BBS5: variants seen among roughly 807,000 people sequenced by gnomAD.
BBS5 encodes the protein BBSome complex member BBS5.
A neutral mutation model predicts 50.2 loss-of-function variants in BBS5; 39 were observed. The ratio of observed to expected loss-of-function variants is 0.78; its 90% CI spans 0.60 to 1.01. The LOEUF (loss-of-function observed/expected upper bound fraction) is 1.01, where lower values mean the gene tolerates loss of function less well. BBS5 is among the 50% of genes least tolerant of loss of function. The pLI is 0.00. For missense variants in BBS5, 356 were observed against 401.5 expected (o/e 0.89, Z 0.97); for synonymous variants, 134 against 133.1 (o/e 1.01, Z -0.05).
Position 169,487,142 on chromosome 2 carries a change from T to C in BBS5, c.208+8T>C. The C allele has an allele frequency of 1.3e-6, 2 of 1,598,250 alleles. No individual in the cohort carries two copies. Among genetic ancestry groups the C allele is most frequent in the Non-Finnish European group, 1.7e-6 (2 of 1,166,092 alleles). Reference sequence around the variant, plus strand: ...TATCAAGAGTCAATGTTTGTAAGTATCTTTGTTAGATAAGTCTGAAGAAAA... The same window carrying C: ...TATCAAGAGTCAATGTTTGTAAGTACCTTTGTTAGATAAGTCTGAAGAAAA... On this transcript the variant is annotated splice_region_variant and intron_variant, in intron 3 of 11. Coordinates refer to ENST00000295240, the MANE Select transcript of BBS5 (RefSeq NM_152384.3).
chr2:169,481,232 T>G lies in BBS5; in HGVS notation c.60-1019T>G, dbSNP rs1559120558. ...CTGAGACTCATAGAAACAGAACAAT[T>G]TATTCTACCTGGTGAAGTCCTTGAA... On this transcript the variant is annotated intron_variant, in intron 1 of 11. Coordinates refer to ENST00000295240, the MANE Select transcript of BBS5 (RefSeq NM_152384.3). 3.9e-5 allele frequency among the ~76,000 whole-genome samples: 6 copies of G among 152,180 alleles called. No individual in the cohort carries two copies. The South Asian group carries it at 1.2e-3, about 31-fold the overall frequency.
At chr2:169,488,517 G>A (rs1167867666) in intron 5 of BBS5, among the ~76,000 whole-genome samples, 1 of 152,216 alleles carries the variant, frequency 6.6e-6, no homozygotes, top group African/African-American at 2.4e-5. Flanking sequence ...CTGACAGGAG[G>A]CAGAGCTCAG....
intron 5 of BBS5, among the ~76,000 whole-genome samples, chr2:169,488,799 C>G (rs1683533630): frequency 6.6e-6 from 1 of 152,166 alleles, no homozygotes; most frequent in South Asian, 2.1e-4. Flanking sequence ...AAAATTTCTA[C>G]TGACAACCAG....
At chr2:169,494,785 T>C (rs1339216433) in intron 7 of BBS5, among the ~76,000 whole-genome samples, 2 of 152,086 alleles carry the variant, frequency 1.3e-5, no homozygotes, top group East Asian at 3.8e-4. Context: ...TTAATGAAAA[T>C]CCCATGAGAT....
intron 7 of BBS5, among the ~76,000 whole-genome samples, chr2:169,496,401 A>T (rs1410122295): frequency 6.6e-6 from 1 of 152,132 alleles, no homozygotes; most frequent in African/African-American, 2.4e-5. Context: ...TTAAAACTTA[A>T]ATATTTTATA....
rs556406680 is a variant in BBS5 at position 169,489,140 on chromosome 2, C to T, written c.386+1026C>T. ...CTGAGTAGCTAGAACTACAGGTGCG[C>T]ACCACCATGTCCTGCTAATTTTTAA... On this transcript the variant is annotated intron_variant, in intron 5 of 11. Coordinates refer to ENST00000295240, the MANE Select transcript of BBS5 (RefSeq NM_152384.3). Among the ~76,000 whole-genome samples the T allele has an allele frequency of 2.6e-5, 4 of 152,170 alleles. No homozygotes were observed. The South Asian group carries it at 8.3e-4, about 32-fold the overall frequency.
At chr2:169,485,885 G>A (rs1459927904) in intron 2 of BBS5, among the ~76,000 whole-genome samples, 2 of 152,194 alleles carry the variant, frequency 1.3e-5, no homozygotes, top group Non-Finnish European at 2.9e-5. Flanking sequence ...AAAGCAGTCA[G>A]CTCCATAGGA....
rs1468133928 is a variant in BBS5, at chr2:169,504,703, A to G, written c.*121A>G. 1 of 1,181,112 alleles carries G rather than the reference A, an allele frequency of 8.5e-7. No homozygotes were observed. The allele number at this position is 1,181,112 out of a possible 1,614,324, so 73.2% of individuals were successfully genotyped here. On this transcript the variant is annotated 3_prime_UTR_variant, in exon 12 of 12. Coordinates refer to ENST00000295240, the MANE Select transcript of BBS5 (RefSeq NM_152384.3). Reference sequence around the variant, plus strand: ...AGCTTTTATATTTAAAACTTGTAAGAGTTTTTTTAATGATTGAGGAAAAAG... The same window carrying G: ...AGCTTTTATATTTAAAACTTGTAAGGGTTTTTTTAATGATTGAGGAAAAAG...
intron 7 of BBS5, among the ~76,000 whole-genome samples, chr2:169,497,418 T>C (rs1484439252): frequency 1.3e-5 from 2 of 152,240 alleles, no homozygotes; most frequent in Non-Finnish European, 1.5e-5. Flanking sequence ...GTCTTTCTTG[T>C]ATTGCCTCTT....
intron 9 of BBS5, among the ~76,000 whole-genome samples, chr2:169,500,443 C>T (rs543821775): frequency 6.9e-4 from 105 of 152,310 alleles, no homozygotes; most frequent in African/African-American, 2.5e-3. Flanking sequence ...TGCCATTGCC[C>T]TTGCTGTCCT....
At chr2:169,493,680 A>C (rs1683642726) in intron 6 of BBS5, 61 bp from the exon 7 acceptor site, 1 of 1,173,070 alleles carries the variant, frequency 8.5e-7, no homozygotes, top group South Asian at 1.2e-5. Context: ...TGGTGATTAG[A>C]AAATAAAGAA....
At position 169,504,526 on chromosome 2, in the gene BBS5, A is replaced by G. The variant is rs1192632212; in HGVS notation, c.970A>G (p.Ile324Val). Reference sequence around the variant, plus strand: ...ATTTTCAGAAGAACTGGGGCTTGCAATAGAGAAATTGAAGGATGGATTCAC... The same window carrying G: ...ATTTTCAGAAGAACTGGGGCTTGCAGTAGAGAAATTGAAGGATGGATTCAC... ...PVFSEELGLA[I>V]EKLKDGFTLQ... The change falls in exon 12 of 12, where the codon ATA (isoleucine) becomes GTA (valine). Residue 324 changes from isoleucine (I) to valine (V), a missense_variant. Transcript: ENST00000295240. 14 of 1,614,068 alleles carry G rather than the reference A, an allele frequency of 8.7e-6. No homozygotes were observed. The highest frequency in any genetic ancestry group is 1.2e-5 in the Non-Finnish European group (14 of 1,179,986).
At chr2:169,479,691 A>G in intron 1 of BBS5, 79 bp downstream of exon 1, 1 of 1,483,962 alleles carries the variant, frequency 6.7e-7, no homozygotes, top group Non-Finnish European at 9.4e-7. Flanking sequence ...GCGGGCGGAG[A>G]CTGCACCTCC....
At position 169,488,042 on chromosome 2, in the gene BBS5, G is replaced by A. The variant is rs750310876; in HGVS notation, c.314G>A (p.Arg105His). ...ATACTAACAAAATGTAACAGTACTCGTTTTGAATTTATATTTACAAATTTG... is the reference window on the plus strand; with the variant it reads ...ATACTAACAAAATGTAACAGTACTCATTTTGAATTTATATTTACAAATTTG... The part of the protein sequence containing the change: ...LYILTKCNST[R>H]FEFIFTNLVP... Residue 105 changes from arginine to histidine, a missense_variant, in exon 5 of 12, where the codon CGT (arginine) becomes CAT (histidine). Transcript: ENST00000295240. The A allele has an allele frequency of 4.3e-6, 7 of 1,613,470 alleles. No homozygotes were observed. The highest frequency in any genetic ancestry group is 4.2e-6 in the Non-Finnish European group (5 of 1,179,562).
At chr2:169,486,286 A>G (rs1436696591) in intron 2 of BBS5, among the ~76,000 whole-genome samples, 6 of 152,232 alleles carry the variant, frequency 3.9e-5, no homozygotes, top group South Asian at 2.1e-4. Flanking sequence ...TGTTGGTGAA[A>G]TAATGTGTTT....
chr2:169,501,281 T>C (rs777782612), intron 9 of BBS5, among the ~76,000 whole-genome samples: 89 of 152,216 alleles, frequency 5.8e-4, no homozygotes, highest in Non-Finnish European at 1.1e-3. Context: ...TTTTACACTT[T>C]CAGTCATACC....
intron 2 of BBS5, among the ~76,000 whole-genome samples, chr2:169,485,205 T>G (rs1683468688): frequency 6.6e-6 from 1 of 152,234 alleles, no homozygotes; most frequent in African/African-American, 2.4e-5. Flanking sequence ...CAGGTATATC[T>G]ATATAAAAAC....
chr2:169,494,748 A>G (rs544141740), intron 7 of BBS5, among the ~76,000 whole-genome samples: 2 of 152,316 alleles, frequency 1.3e-5, no homozygotes, highest in African/African-American at 4.8e-5. Context: ...AGAATTCTAG[A>G]ACAAATTAGA....
At chr2:169,480,483 G>C (rs971676710) in intron 1 of BBS5, among the ~76,000 whole-genome samples, 14 of 151,758 alleles carry the variant, frequency 9.2e-5, no homozygotes, top group African/African-American at 3.4e-4. Flanking sequence ...AGATGGAATC[G>C]TTCCTTATCA....
Sources: gnomAD v4.1 joint callset for allele counts (sites outside exome capture counted in the v4.1 genomes callset) on GRCh38, gnomAD v4.1.1 for gene constraint, MANE v1.5 for transcripts, NCBI Gene and HGNC (gene_info 2026-07-23, HGNC 2026-07-21) for gene names.